Variants in TTC29 observed in about 807,000 individuals in gnomAD.
TTC29 encodes the protein tetratricopeptide repeat protein 29.
In TTC29, 49 loss-of-function variants were observed where a neutral mutation model predicts 58.1. That is an observed-to-expected ratio of 0.84 (90% confidence interval 0.67 to 1.07). The LOEUF is 1.07. Ranked by LOEUF, TTC29 falls within the 50% of genes least tolerant of loss-of-function variation. The pLI, the probability that TTC29 is intolerant of heterozygous loss-of-function variation, is 0.00. For synonymous variants in TTC29, 209 were observed against 196.8 expected (o/e 1.06, Z -0.52); for missense variants, 582 against 555.6 (o/e 1.05, Z -0.48).
chr4:146,860,921 A>G (rs1730190844), intron 8 of TTC29, among the ~76,000 whole-genome samples: 1 of 152,208 alleles, frequency 6.6e-6, no homozygotes. Flanking sequence ...GTAAACATAG[A>G]GATGGCTACT....
intron 10 of TTC29, among the ~76,000 whole-genome samples, chr4:146,816,726 G>C (rs990338400): frequency 6.6e-6 from 1 of 151,994 alleles, no homozygotes; most frequent in African/African-American, 2.4e-5. Context: ...GAGAGGGGAT[G>C]TAAGACAAAA....
intron 11 of TTC29, among the ~76,000 whole-genome samples, chr4:146,714,626 C>T (rs186287247): frequency 2.0e-5 from 3 of 151,274 alleles, no homozygotes; most frequent in African/African-American, 4.8e-5. Context: ...ATAAAATGTA[C>T]AATGACATAC....
chr4:146,890,706 C>T (rs187557925), intron 6 of TTC29, among the ~76,000 whole-genome samples: 1 of 152,348 alleles, frequency 6.6e-6, no homozygotes, highest in African/African-American at 2.4e-5. Context: ...ATTCCCCTCA[C>T]ACATAGAGGG....
intron 9 of TTC29, among the ~76,000 whole-genome samples, chr4:146,820,698 T>C (rs1406445540): frequency 6.6e-6 from 1 of 152,028 alleles, no homozygotes; most frequent in Non-Finnish European, 1.5e-5. Context: ...GTAAACAAAA[T>C]GTGTTGTATA....
chr4:146,782,791 T>C (rs897637234), intron 11 of TTC29, among the ~76,000 whole-genome samples: 2 of 152,050 alleles, frequency 1.3e-5, no homozygotes, highest in African/African-American at 4.8e-5. Context: ...TACTTTACTA[T>C]TGACTATTAT....
intron 6 of TTC29, among the ~76,000 whole-genome samples, chr4:146,876,934 C>CAAAAAAAAAAAAAAAAAAAA (rs776037799): frequency 1.7e-5 from 1 of 59,192 alleles, no homozygotes; most frequent in Non-Finnish European, 3.1e-5. Flanking sequence ...GACTCCATCT[C>CAAAAAAAAAAAAAAAAAAAA]AAAAAAAAAA....
At chr4:146,744,926 C>A (rs971907305) in intron 11 of TTC29, among the ~76,000 whole-genome samples, 1 of 152,150 alleles carries the variant, frequency 6.6e-6, no homozygotes, top group African/African-American at 2.4e-5. Context: ...CATTCCCTCA[C>A]CTTCCAATAT....
chr4:146,831,299 A>G (rs1428463315), intron 9 of TTC29, among the ~76,000 whole-genome samples: 7 of 152,120 alleles, frequency 4.6e-5, no homozygotes, highest in Non-Finnish European at 4.4e-5. Context: ...GGTTCTCACT[A>G]TGTGGCCCAG....
chr4:146,844,304 T>G (rs569311118), intron 8 of TTC29, among the ~76,000 whole-genome samples: 1 of 152,204 alleles, frequency 6.6e-6, no homozygotes, highest in Non-Finnish European at 1.5e-5. Flanking sequence ...AAAGTTTTCC[T>G]CAATAGTAAA....
At chr4:146,743,532 A>G (rs1456385204) in intron 11 of TTC29, among the ~76,000 whole-genome samples, 1 of 152,216 alleles carries the variant, frequency 6.6e-6, no homozygotes, top group African/African-American at 2.4e-5. Context: ...ACGACAAAGC[A>G]TGGAATGTAA....
chr4:146,805,133 A>T (rs1750511723), intron 10 of TTC29, among the ~76,000 whole-genome samples: 1 of 152,194 alleles, frequency 6.6e-6, no homozygotes, highest in South Asian at 2.1e-4. Flanking sequence ...GCAGCCCTGC[A>T]GGAGAGGGGC....
chr4:146,866,637 T>C (rs1730581587), intron 8 of TTC29, among the ~76,000 whole-genome samples: 1 of 152,116 alleles, frequency 6.6e-6, no homozygotes, highest in African/African-American at 2.4e-5. Context: ...TGCTAATCAT[T>C]AATTAAAAAA....
intron 11 of TTC29, among the ~76,000 whole-genome samples, chr4:146,784,094 C>T (rs1748824969): frequency 6.6e-6 from 1 of 150,736 alleles, no homozygotes. Context: ...CATATATATA[C>T]TATATTTACT....
chr4:146,726,454 G>GA lies in TTC29; in HGVS notation c.1331-18904dup, dbSNP rs546644721. Among the ~76,000 whole-genome samples the GA allele has an allele frequency of 5.4e-3, 813 of 151,680 alleles. 4 individuals carry two copies. The highest frequency in any genetic ancestry group is 8.6e-3 in the Non-Finnish European group (584 of 67,872). The stretch of plus-strand genomic sequence containing the variant: ...ATACAGTGAGACTCTGTCTCAAAAA[G>GA]AAAAAAAATATTTGACTCAGTACCT... On this transcript the variant is annotated intron_variant, in intron 11 of 12. Coordinates refer to ENST00000325106, the MANE Select transcript of TTC29 (RefSeq NM_031956.4).
At chr4:146,717,562 G>A (rs749893183) in intron 11 of TTC29, among the ~76,000 whole-genome samples, 1 of 152,102 alleles carries the variant, frequency 6.6e-6, no homozygotes, top group Non-Finnish European at 1.5e-5. Context: ...ACGAGTGTGA[G>A]CCATTGCGCC....
intron 4 of TTC29, among the ~76,000 whole-genome samples, chr4:146,929,499 A>T (rs911492995): frequency 4.6e-5 from 7 of 152,228 alleles, no homozygotes; most frequent in African/African-American, 1.7e-4. Context: ...ATGAAAAGCA[A>T]TATAGGCAAG....
rs1381064673 is a variant in TTC29 at position 146,874,698 on chromosome 4, G to C, written c.799+18C>G. On this transcript the variant is annotated intron_variant, in intron 7 of 12. Coordinates refer to ENST00000325106, the MANE Select transcript of TTC29 (RefSeq NM_031956.4). ...ACCCATTAAAGAAAGCAATGTGAGAGAGTTCTTTTCCACCCACCTTCTTTG... is the reference window on the plus strand; with the variant it reads ...ACCCATTAAAGAAAGCAATGTGAGACAGTTCTTTTCCACCCACCTTCTTTG... 1.6e-5 allele frequency: 25 copies of C among 1,569,904 alleles called. No individual in the cohort carries two copies. The highest frequency in any genetic ancestry group is 2.1e-5 in the Non-Finnish European group (24 of 1,151,094).
chr4:146,939,604 T>TAATA (rs1736172960), intron 3 of TTC29, among the ~76,000 whole-genome samples, 200 bp downstream of exon 3: 1 of 152,184 alleles, frequency 6.6e-6, no homozygotes, highest in African/African-American at 2.4e-5. Context: ...AGCACTAGGT[T>TAATA]AATAAATAAA....
chr4:146,903,712 G>A lies in TTC29; in HGVS notation c.418C>T (p.His140Tyr), dbSNP rs17610219. The change falls in exon 6 of 13, where the codon CAT (histidine) becomes TAT (tyrosine). Residue 140 changes from histidine (H) to tyrosine (Y), a missense_variant. His to Tyr is a moderately conservative substitution (Grantham distance 83, BLOSUM62 2). Coordinates refer to ENST00000325106, the MANE Select transcript of TTC29 (RefSeq NM_031956.4). ...CAGGCCAGAGCATACAAGTTATTAT[G>A]TACATCTTCGAAGGATTCTTCAAAG... ...AERKESFEDV[H>Y]NNLYALACYF... 660,457 of 1,592,566 alleles carry A rather than the reference G, an allele frequency of 0.41. 141,966 individuals carry two copies. The highest frequency in any genetic ancestry group is 0.61 in the African/African-American group (44,981 of 73,992).
Sources: gnomAD v4.1 joint callset for allele counts (sites outside exome capture counted in the v4.1 genomes callset) on GRCh38, gnomAD v4.1.1 for gene constraint, MANE v1.5 for transcripts, NCBI Gene and HGNC (gene_info 2026-07-23, HGNC 2026-07-21) for gene names.